Variants in DNER observed in about 807,000 individuals in gnomAD.
The protein encoded by DNER is delta and Notch-like epidermal growth factor-related receptor.
Under a neutral mutation model 78.2 loss-of-function variants are expected in DNER, and 33 were observed. The ratio of observed to expected loss-of-function variants is 0.42; its 90% CI spans 0.32 to 0.56. DNER has a LOEUF of 0.56. Among genes scored for constraint, DNER ranks in the 20% least tolerant of loss-of-function variants. DNER has a pLI of 0.11. For missense variants in DNER, 918 were observed against 975.3 expected (o/e 0.94, Z 0.78); for synonymous variants, 417 against 384.8 (o/e 1.08, Z -0.98).
chr2:229,476,154 C>G (rs1476893564), intron 7 of DNER, among the ~76,000 whole-genome samples: 2 of 152,170 alleles, frequency 1.3e-5, no homozygotes, highest in Admixed American at 6.5e-5. Flanking sequence ...CCATCTCACT[C>G]CGGCCCCCAC....
In DNER at chr2:229,714,530, C is replaced by A. The variant is rs1264235569; in HGVS notation, c.-107G>T. 1.9e-6 allele frequency: 2 copies of A among 1,043,026 alleles called. No individual in the cohort carries two copies. Among genetic ancestry groups the A allele is most frequent in the African/African-American group, 1.7e-5 (1 of 58,232 alleles). 64.6% of individuals were successfully genotyped at this position (1,043,026 alleles called of 1,614,324 possible). ...GCGACGGTGGCGGCTAGGGCTGCTC[C>A]GCCGGGCCGGGCGCCTCCTGCAGCT... is the stretch of plus-strand genomic sequence containing the variant. On this transcript the variant is annotated 5_prime_UTR_variant, in exon 1 of 13. Transcript: ENST00000341772.
At chr2:229,496,769 T>C (rs889368039) in intron 6 of DNER, among the ~76,000 whole-genome samples, 1 of 152,208 alleles carries the variant, frequency 6.6e-6, no homozygotes, top group African/African-American at 2.4e-5. Context: ...ATTATAAATA[T>C]ATATGTGCCC....
intron 1 of DNER, among the ~76,000 whole-genome samples, chr2:229,664,611 G>A (rs1222096259): frequency 1.3e-5 from 2 of 152,204 alleles, no homozygotes; most frequent in East Asian, 3.8e-4. Context: ...TGACCAAAGA[G>A]ATCAGGTAGT....
At chr2:229,515,601 A>G (rs1167980828) in intron 5 of DNER, among the ~76,000 whole-genome samples, 3 of 150,208 alleles carry the variant, frequency 2.0e-5, no homozygotes, top group Non-Finnish European at 4.4e-5. Context: ...GAAATAAATT[A>G]TTGAGAGCCC....
At chr2:229,631,460 T>A (rs1030484516) in intron 1 of DNER, among the ~76,000 whole-genome samples, 4 of 152,244 alleles carry the variant, frequency 2.6e-5, no homozygotes, top group African/African-American at 7.2e-5. Context: ...AGAAAGAAGA[T>A]GTCTGGAGGA....
intron 5 of DNER, among the ~76,000 whole-genome samples, chr2:229,532,276 C>G (rs975907879): frequency 1.3e-5 from 2 of 152,122 alleles, no homozygotes; most frequent in African/African-American, 4.8e-5. Context: ...TCTGTCAATT[C>G]CATCCCCTCC....
intron 8 of DNER, among the ~76,000 whole-genome samples, chr2:229,434,908 T>TTATA (rs10533759): frequency 2.5e-5 from 3 of 118,820 alleles, no homozygotes; most frequent in African/African-American, 8.8e-5. Flanking sequence ...TAGAGACAAT[T>TTATA]TATATATATA....
intron 1 of DNER, among the ~76,000 whole-genome samples, chr2:229,593,762 G>C (rs1375635084): frequency 6.7e-6 from 1 of 148,910 alleles, no homozygotes; most frequent in Non-Finnish European, 1.5e-5. Flanking sequence ...TATGCAACAA[G>C]AAGAAGAATT....
chr2:229,470,931 T>G (rs1694911977), intron 7 of DNER, among the ~76,000 whole-genome samples: 1 of 152,186 alleles, frequency 6.6e-6, no homozygotes, highest in Admixed American at 6.5e-5. Context: ...AAGGTGAAAC[T>G]ATATACTACT....
chr2:229,381,423 A>G (rs1692734084), intron 11 of DNER, among the ~76,000 whole-genome samples: 1 of 152,086 alleles, frequency 6.6e-6, no homozygotes, highest in Admixed American at 6.6e-5. Context: ...CACCAGTGAG[A>G]CAAAACCGTT....
chr2:229,612,884 A>G (rs1698075035), intron 1 of DNER, among the ~76,000 whole-genome samples: 1 of 152,236 alleles, frequency 6.6e-6, no homozygotes, highest in African/African-American at 2.4e-5. Flanking sequence ...TTCTATTACT[A>G]TGTGGTAGAA....
At chr2:229,439,790 G>T (rs1218630015) in intron 8 of DNER, among the ~76,000 whole-genome samples, 1 of 152,214 alleles carries the variant, frequency 6.6e-6, no homozygotes, top group African/African-American at 2.4e-5. Context: ...GCTGTCCTCA[G>T]AAATGCATAG....
chr2:229,463,083 GTAT>G (rs1229637779), intron 7 of DNER, among the ~76,000 whole-genome samples: 3 of 152,084 alleles, frequency 2.0e-5, no homozygotes, highest in Non-Finnish European at 4.4e-5. Flanking sequence ...AAATAGGTGT[GTAT>G]TGGTTTCCCT....
At chr2:229,509,230 A>T (rs1695813245) in intron 6 of DNER, among the ~76,000 whole-genome samples, 1 of 152,224 alleles carries the variant, frequency 6.6e-6, no homozygotes, top group South Asian at 2.1e-4. Flanking sequence ...TATCAAACTG[A>T]AATCATGTCA....
In DNER at chr2:229,591,950, G is replaced by A. The variant is rs1559176174; in HGVS notation, c.277-62C>T. On this transcript the variant is annotated intron_variant, in intron 1 of 12. Transcript: ENST00000341772. The surrounding 1 kb of genome is among the most constrained non-coding windows in gnomAD (Gnocchi z 4.6). ...ATAAGAAAAGTGGTGCCATCGCTGG[G>A]AAATTAGCTCTGTGTCTCAGAGCGA... 6.9e-7 allele frequency: 1 copy of A among 1,448,782 alleles called. No individual in the cohort carries two copies. The highest frequency in any genetic ancestry group is 1.5e-5 in the South Asian group (1 of 68,912). The allele number at this position is 1,448,782 out of a possible 1,614,324, so 89.7% of individuals were successfully genotyped here. A position where few individuals can be genotyped will look rare whatever the true frequency, so the allele number is the denominator to read the frequency against.
chr2:229,614,158 C>A (rs984139445), intron 1 of DNER, among the ~76,000 whole-genome samples: 2 of 150,244 alleles, frequency 1.3e-5, no homozygotes, highest in East Asian at 2.0e-4. Flanking sequence ...GCACATGTAC[C>A]CTAAAACTTA....
Position 229,531,797 on chromosome 2 carries a change from C to T in DNER, c.993+15150G>A, listed in dbSNP as rs115862382. ...TGATAAATGGACCTTGTGGTATATCCATACAATGGAACATTACTCAGCCAT... is the reference window on the plus strand; with the variant it reads ...TGATAAATGGACCTTGTGGTATATCTATACAATGGAACATTACTCAGCCAT... On this transcript the variant is annotated intron_variant, in intron 5 of 12. Transcript: ENST00000341772. Among the ~76,000 whole-genome samples the T allele has an allele frequency of 3.3e-3, 496 of 152,210 alleles. 5 individuals are homozygous for T. Among genetic ancestry groups the T allele is most frequent in the African/African-American group, 0.012 (478 of 41,534 alleles).
At chr2:229,461,431 T>C (rs1258343530) in intron 7 of DNER, among the ~76,000 whole-genome samples, 1 of 151,936 alleles carries the variant, frequency 6.6e-6, no homozygotes, top group Non-Finnish European at 1.5e-5. Flanking sequence ...ATTCCCCTTA[T>C]AGAATATGCA....
intron 3 of DNER, chr2:229,586,605 A>ACC (rs1697507433): frequency 4.1e-6 from 4 of 972,662 alleles, no homozygotes; most frequent in Non-Finnish European, 4.9e-6. Flanking sequence ...ATCAACCCCA[A>ACC]CCCCAACCCC....
Sources: gnomAD v4.1 joint callset for allele counts (sites outside exome capture counted in the v4.1 genomes callset) on GRCh38, gnomAD v4.1.1 for gene constraint, Gnocchi (gnomAD v3.1) non-coding constraint, MANE v1.5 for transcripts, NCBI Gene and HGNC (gene_info 2026-07-23, HGNC 2026-07-21) for gene names.